The following PBX1 variants were observed in gnomAD, a reference collection of about 807,000 sequenced individuals.
The protein encoded by PBX1 is pre-B-cell leukemia transcription factor 1.
PBX1 carries 6 observed loss-of-function variants against 53.4 expected under a neutral mutation model. That is an observed-to-expected ratio of 0.11 (90% CI 0.06 to 0.22). The LOEUF is 0.22. Among genes scored for constraint, PBX1 ranks in the 10% least tolerant of loss-of-function variants. PBX1 has a pLI of 1.00. For synonymous variants in PBX1, 204 were observed against 212.3 expected (o/e 0.96, Z 0.34); for missense variants, 251 against 551.4 (o/e 0.46, Z 5.46).
At chr1:164,875,610 C>T (rs1201577656) in intron 2 of PBX1, among the ~76,000 whole-genome samples, 1 of 152,124 alleles carries the variant, frequency 6.6e-6, no homozygotes, top group Non-Finnish European at 1.5e-5. Context: ...AAAAATCACC[C>T]TTTAGATGAG....
intron 2 of PBX1, among the ~76,000 whole-genome samples, chr1:164,768,930 G>C (rs773676663): frequency 6.6e-6 from 1 of 152,088 alleles, no homozygotes; most frequent in Non-Finnish European, 1.5e-5. Context: ...GCACACGCCT[G>C]TAATCCCCCA....
At chr1:164,744,263 C>A (rs977330967) in intron 2 of PBX1, among the ~76,000 whole-genome samples, 4 of 152,116 alleles carry the variant, frequency 2.6e-5, no homozygotes, top group African/African-American at 9.7e-5. Context: ...TATTTCTAGC[C>A]TAATCTTGTA....
At position 164,569,855 on chromosome 1, in the gene PBX1, G is replaced by A. The variant is rs61802555; in HGVS notation, c.265+6544G>A. ...TTACAGCCGTAAGCCACCATGCCTG[G>A]CCCTGTTTCCCTTGCTATTCTCTTA... On this transcript the variant is annotated intron_variant, in intron 2 of 8. Coordinates refer to ENST00000420696, the MANE Select transcript of PBX1 (RefSeq NM_002585.4). 8.7e-3 allele frequency among the ~76,000 whole-genome samples: 1,317 copies of A among 152,204 alleles called. 8 individuals carry two copies. Among genetic ancestry groups the A allele is most frequent in the Non-Finnish European group, 0.013 (867 of 68,014 alleles).
chr1:164,799,427 C>T (rs949629148), intron 3 of PBX1, among the ~76,000 whole-genome samples: 1 of 152,114 alleles, frequency 6.6e-6, no homozygotes, highest in Non-Finnish European at 1.5e-5. Context: ...GGAGGCGGGG[C>T]TTGCAGTGAG....
chr1:164,665,542 C>T (rs926499983), intron 2 of PBX1, among the ~76,000 whole-genome samples: 6 of 152,176 alleles, frequency 3.9e-5, no homozygotes, highest in African/African-American at 1.4e-4. Context: ...CCGCCTTGGC[C>T]TTCCAAAGTG....
At chr1:164,757,252 G>A (rs1666578739) in intron 2 of PBX1, among the ~76,000 whole-genome samples, 1 of 152,182 alleles carries the variant, frequency 6.6e-6, no homozygotes, top group Admixed American at 6.5e-5. Context: ...TTTTTGAAAA[G>A]CTGATCATGA....
intron 2 of PBX1, among the ~76,000 whole-genome samples, chr1:164,712,242 T>G (rs1419160413): frequency 2.6e-5 from 4 of 151,258 alleles, no homozygotes; most frequent in Non-Finnish European, 5.9e-5. Context: ...TGCAGGCTGC[T>G]GCTACCCACT....
intron 2 of PBX1, among the ~76,000 whole-genome samples, chr1:164,655,188 A>G (rs1000883290): frequency 2.7e-5 from 4 of 148,872 alleles, no homozygotes; most frequent in Non-Finnish European, 5.9e-5. Flanking sequence ...ATCTCAGCTC[A>G]CTGCAACCTC....
intron 2 of PBX1, among the ~76,000 whole-genome samples, chr1:164,698,803 C>T (rs1662937333): frequency 6.6e-6 from 1 of 152,184 alleles, no homozygotes; most frequent in African/African-American, 2.4e-5. Flanking sequence ...CTGAGACACT[C>T]TCCTAAATAC....
intron 8 of PBX1, among the ~76,000 whole-genome samples, chr1:164,825,656 A>G (rs1195564625): frequency 6.6e-6 from 1 of 152,182 alleles, no homozygotes; most frequent in African/African-American, 2.4e-5. Context: ...ATATTCTCTG[A>G]GAATAAGATT....
At chr1:164,603,339 G>C (rs529514015) in intron 2 of PBX1, among the ~76,000 whole-genome samples, 1 of 152,150 alleles carries the variant, frequency 6.6e-6, no homozygotes, top group Non-Finnish European at 1.5e-5. Flanking sequence ...ACAGAATATG[G>C]AGAAACTTTG....
At chr1:164,746,015 C>T (rs1665871853) in intron 2 of PBX1, among the ~76,000 whole-genome samples, 1 of 152,150 alleles carries the variant, frequency 6.6e-6, no homozygotes, top group Non-Finnish European at 1.5e-5. Flanking sequence ...CATGGCATCA[C>T]CTAGAGAGGC....
Position 164,782,634 on chromosome 1 carries a change from CT to C in PBX1, c.266-9858del, listed in dbSNP as rs545906951. Reference sequence around the variant, plus strand: ...GGAGCAAAATGTTCTTTATTTCAAACTTAGTTCTGATGAAATTGTTTGGAAA... The same window carrying C: ...GGAGCAAAATGTTCTTTATTTCAAACTAGTTCTGATGAAATTGTTTGGAAA... On this transcript the variant is annotated intron_variant, in intron 2 of 8. Coordinates refer to ENST00000420696, the MANE Select transcript of PBX1 (RefSeq NM_002585.4). Among the ~76,000 whole-genome samples, 396 of 152,298 alleles carry C rather than the reference CT, an allele frequency of 2.6e-3. 5 individuals are homozygous for C. The highest frequency in any genetic ancestry group is 8.2e-3 in the Admixed American group (126 of 15,312).
chr1:164,806,647 A>G (rs1352182518), intron 4 of PBX1, among the ~76,000 whole-genome samples: 2 of 152,226 alleles, frequency 1.3e-5, no homozygotes, highest in Non-Finnish European at 2.9e-5. Flanking sequence ...TAGCTCTGTT[A>G]CATACCAGCC....
At chr1:164,867,792 G>A (rs2102449783) in intron 2 of PBX1, among the ~76,000 whole-genome samples, 1 of 152,332 alleles carries the variant, frequency 6.6e-6, no homozygotes, top group African/African-American at 2.4e-5. Context: ...TCTCAGGCCT[G>A]ACCTTTCTAT....
At chr1:164,618,309 G>C (rs913834589) in intron 2 of PBX1, among the ~76,000 whole-genome samples, 9 of 143,964 alleles carry the variant, frequency 6.3e-5, no homozygotes, top group African/African-American at 1.8e-4. Context: ...GGGGGGGGGG[G>C]GCACTCAAGA....
intron 2 of PBX1, chr1:164,625,949 C>T (rs775013779): frequency 1.3e-5 from 13 of 1,035,628 alleles, no homozygotes; most frequent in African/African-American, 1.0e-4. Flanking sequence ...GGCCAGGAGT[C>T]GGAACTGCCC....
intron 2 of PBX1, among the ~76,000 whole-genome samples, chr1:164,661,424 GTTT>G (rs60440122): frequency 7.8e-5 from 10 of 127,974 alleles, no homozygotes; most frequent in East Asian, 2.3e-4. Context: ...CTGTAAGCCA[GTTT>G]TTTTTTTTTT....
chr1:164,715,144 A>G (rs962124360), intron 2 of PBX1, among the ~76,000 whole-genome samples: 1 of 152,190 alleles, frequency 6.6e-6, no homozygotes, highest in Non-Finnish European at 1.5e-5. Flanking sequence ...GAATAGTTGA[A>G]TGAATGAATG....
Sources: allele counts gnomAD v4.1 joint callset (sites outside exome capture counted in the v4.1 genomes callset), GRCh38; gene constraint gnomAD v4.1.1; transcripts MANE v1.5; gene names NCBI Gene and HGNC (gene_info 2026-07-23, HGNC 2026-07-21).